Variants in RASGRP3 observed in about 807,000 individuals in gnomAD.
RASGRP3 encodes RAS guanyl releasing protein 3.
In RASGRP3, 54 loss-of-function variants were observed where a neutral mutation model predicts 82.7. That is an observed-to-expected ratio of 0.65 (90% CI 0.52 to 0.82). The LOEUF (loss-of-function observed/expected upper bound fraction) is 0.82, where lower values mean the gene tolerates loss of function less well. Among genes scored for constraint, RASGRP3 ranks in the 40% least tolerant of loss-of-function variants. RASGRP3 has a pLI of 0.00. For synonymous variants in RASGRP3, 309 were observed against 300.5 expected (o/e 1.03, Z -0.29); for missense variants, 861 against 828.9 (o/e 1.04, Z -0.48).
intron 11 of RASGRP3, among the ~76,000 whole-genome samples, chr2:33,535,024 A>G (rs1673468050): frequency 6.6e-6 from 1 of 152,190 alleles, no homozygotes; most frequent in African/African-American, 2.4e-5. Flanking sequence ...GGAAAGGAGT[A>G]ATAACTCATC....
In RASGRP3 at chr2:33,476,660, G is replaced by A. The variant is rs1410651169; in HGVS notation, c.-308G>A. The A allele has an allele frequency of 6.6e-6, 1 of 152,034 alleles. No homozygotes were observed. Among genetic ancestry groups the A allele is most frequent in the African/African-American group, 2.4e-5 (1 of 41,372 alleles). The allele number at this position is 152,034 out of a possible 1,614,324, so 9.4% of individuals were successfully genotyped here. A position where few individuals can be genotyped will look rare whatever the true frequency, so the allele number is the denominator to read the frequency against. ...CGGCGTGCTCCGGCACTTGGCAGCT[G>A]GACAGGCAGAGTGCTGATGTGAAAA... On this transcript the variant is annotated 5_prime_UTR_variant, in exon 1 of 18. Transcript: ENST00000403687.
At chr2:33,481,240 C>T (rs1269315738) in intron 1 of RASGRP3, 1 of 152,306 alleles carries the variant, frequency 6.6e-6, no homozygotes, top group African/African-American at 2.4e-5. Context: ...CGGCTCACTG[C>T]AAGCTCCGCC....
intron 2 of RASGRP3, among the ~76,000 whole-genome samples, chr2:33,469,021 G>A (rs1241460881): frequency 1.8e-5 from 2 of 110,984 alleles, no homozygotes; most frequent in African/African-American, 5.8e-5. Flanking sequence ...CCAACACTGA[G>A]AATTTTCGTT....
chr2:33,483,085 G>A (rs924681448), intron 1 of RASGRP3: 4 of 151,912 alleles, frequency 2.6e-5, no homozygotes, highest in African/African-American at 7.3e-5. Flanking sequence ...TACCTTCCTG[G>A]ATTATGGTCT....
At chr2:33,482,953 A>C (rs906990318) in intron 1 of RASGRP3, 4 of 152,148 alleles carry the variant, frequency 2.6e-5, no homozygotes, top group Admixed American at 2.6e-4. Flanking sequence ...GTCTGAGCTG[A>C]CTTGAGCATT....
At position 33,515,270 on chromosome 2, in the gene RASGRP3, G is replaced by A. The variant is rs2151009640; in HGVS notation, c.70+64G>A. On this transcript the variant is annotated intron_variant, in intron 3 of 17. Coordinates refer to ENST00000403687, the MANE Select transcript of RASGRP3 (RefSeq NM_001139488.2). ...CGATGCTCTCACTTTCCTCTATTCAGAGGCAAGTTGCTTGTAGAACAGAGT... is the reference window on the plus strand; with the variant it reads ...CGATGCTCTCACTTTCCTCTATTCAAAGGCAAGTTGCTTGTAGAACAGAGT... 5 of 1,557,024 alleles carry A rather than the reference G, an allele frequency of 3.2e-6. 1 individual carries two copies. In the South Asian group the frequency reaches 5.6e-5, roughly 17 times the overall value.
At chr2:33,554,586 C>A (rs1203902644) in intron 14 of RASGRP3, among the ~76,000 whole-genome samples, 1 of 152,136 alleles carries the variant, frequency 6.6e-6, no homozygotes, top group Non-Finnish European at 1.5e-5. Flanking sequence ...CATTCTCCTG[C>A]CTCAGCCTCC....
chr2:33,549,778 A>C, intron 14 of RASGRP3, 27 bp downstream of exon 14: 1 of 1,607,252 alleles, frequency 6.2e-7, no homozygotes, highest in South Asian at 1.1e-5. Context: ...TTGTTTTCTT[A>C]TGTGTGTAGT....
intron 11 of RASGRP3, 89 bp from the exon 12 acceptor site, chr2:33,539,005 C>A: frequency 1.1e-6 from 1 of 949,346 alleles, no homozygotes; most frequent in Non-Finnish European, 1.6e-6. Context: ...CACCACTGCA[C>A]TCCAGCCTGG....
In RASGRP3 at chr2:33,516,533, T is replaced by C; in HGVS notation, c.71-9T>C. ...TATCTCCTCACTTCTTGTTTTATTT[T>C]TCTAACAGATGACAATGGAGAGCTG... is the stretch of plus-strand genomic sequence containing the variant. On this transcript the variant is annotated splice_polypyrimidine_tract_variant and intron_variant, in intron 3 of 17. Coordinates refer to ENST00000403687, the MANE Select transcript of RASGRP3 (RefSeq NM_001139488.2). 6.6e-7 allele frequency: 1 copy of C among 1,517,982 alleles called. No individual in the cohort carries two copies. The highest frequency in any genetic ancestry group is 1.4e-5 in the African/African-American group (1 of 73,140). 94.0% of individuals were successfully genotyped at this position (1,517,982 alleles called of 1,614,324 possible). A position where few individuals can be genotyped will look rare whatever the true frequency, so the allele number is the denominator to read the frequency against.
At chr2:33,497,986 C>T (rs1669482348) in intron 1 of RASGRP3, among the ~76,000 whole-genome samples, 1 of 152,030 alleles carries the variant, frequency 6.6e-6, no homozygotes, top group Admixed American at 6.5e-5. Flanking sequence ...TTTCTCCAGC[C>T]CTTCTTTCCT....
chr2:33,479,854 G>A (rs974534836), intron 1 of RASGRP3, among the ~76,000 whole-genome samples: 1 of 151,938 alleles, frequency 6.6e-6, no homozygotes, highest in African/African-American at 2.4e-5. Flanking sequence ...TCAAAATTAG[G>A]GTTGGAGATA....
upstream of RASGRP3, among the ~76,000 whole-genome samples, chr2:33,474,132 C>G (rs1007851099): frequency 6.6e-6 from 1 of 152,082 alleles, no homozygotes; most frequent in Non-Finnish European, 1.5e-5. Flanking sequence ...GGTACCTGTC[C>G]ATGGCATGGG....
At chr2:33,457,685 C>T (rs1666114346) in intron 2 of RASGRP3, among the ~76,000 whole-genome samples, 1 of 151,966 alleles carries the variant, frequency 6.6e-6, no homozygotes, top group South Asian at 2.1e-4. Flanking sequence ...TATCATTTCC[C>T]TTTCACAAAT....
chr2:33,499,377 G>C (rs1351951143), intron 1 of RASGRP3, among the ~76,000 whole-genome samples: 1 of 152,084 alleles, frequency 6.6e-6, no homozygotes, highest in Non-Finnish European at 1.5e-5. Flanking sequence ...GGGCAACATG[G>C]TGAAACCCCC....
chr2:33,534,142 G>C, intron 10 of RASGRP3, 181 bp from the exon 11 acceptor site: 1 of 591,264 alleles, frequency 1.7e-6, no homozygotes, highest in Non-Finnish European at 3.0e-6. Context: ...GATTAACCAG[G>C]ATTAACGTTT....
At chr2:33,474,970 T>C (rs1667272536), upstream of RASGRP3, among the ~76,000 whole-genome samples, 1 of 152,184 alleles carries the variant, frequency 6.6e-6, no homozygotes, top group Admixed American at 6.5e-5. Context: ...ACCCAGTCAA[T>C]GGTAAACAAA....
intron 2 of RASGRP3, among the ~76,000 whole-genome samples, chr2:33,469,146 T>A (rs1299850181): frequency 6.6e-6 from 1 of 151,052 alleles, no homozygotes. Flanking sequence ...TTATGTTTCT[T>A]CCCTTGTGAA....
intron 1 of RASGRP3, among the ~76,000 whole-genome samples, chr2:33,441,162 G>A (rs530308826): frequency 6.6e-6 from 1 of 152,134 alleles, no homozygotes; most frequent in Non-Finnish European, 1.5e-5. Flanking sequence ...GAAGTGCTGC[G>A]ATTACAGGCG....
Sources: gnomAD v4.1 joint callset for allele counts (sites outside exome capture counted in the v4.1 genomes callset) on GRCh38, gnomAD v4.1.1 for gene constraint, MANE v1.5 for transcripts, NCBI Gene and HGNC (gene_info 2026-07-23, HGNC 2026-07-21) for gene names.